GHRHR: variants seen among roughly 807,000 people sequenced by gnomAD.
GHRHR encodes growth hormone-releasing hormone receptor.
Under a neutral mutation model 58.3 loss-of-function variants are expected in GHRHR, and 40 were observed. The ratio of observed to expected loss-of-function variants is 0.69; its 90% CI spans 0.53 to 0.89. The LOEUF is 0.89. GHRHR is among the 40% of genes least tolerant of loss of function. GHRHR has a pLI of 0.00. For synonymous variants in GHRHR, 249 were observed against 216.6 expected, an observed-to-expected ratio of 1.15 and a Z score of -1.31; for missense variants, 551 against 541.3, an observed-to-expected ratio of 1.02 and a Z score of -0.18.
At position 30,979,271 on chromosome 7, in the gene GHRHR, A is replaced by G; in HGVS notation, c.*27A>G. The G allele has an allele frequency of 6.2e-7, 1 of 1,611,506 alleles. No homozygotes were observed. The highest frequency in any genetic ancestry group is 1.1e-5 in the South Asian group (1 of 90,886). On this transcript the variant is annotated 3_prime_UTR_variant, in exon 13 of 13. Transcript: ENST00000326139. ...CTGCCTCATCACGCCACTGGAGTCC[A>G]CACTTGAATTTGGGCAGCTACCACG... is the stretch of plus-strand genomic sequence containing the variant.
chr7:30,964,027 G>A lies in GHRHR; in HGVS notation c.-42G>A. 1 of 1,530,574 alleles carries A rather than the reference G, an allele frequency of 6.5e-7. No homozygotes were observed. Among genetic ancestry groups the A allele is most frequent in the Non-Finnish European group, 8.9e-7 (1 of 1,128,778 alleles). 94.8% of individuals were successfully genotyped at this position (1,530,574 alleles called of 1,614,324 possible). ...ACAGCAGGGGAAGGAAGATAGCCAAGGCTTACTGAGGCTGGTGGAGGGAGC... is the reference window on the plus strand; with the variant it reads ...ACAGCAGGGGAAGGAAGATAGCCAAAGCTTACTGAGGCTGGTGGAGGGAGC... On this transcript the variant is annotated 5_prime_UTR_variant, in exon 1 of 13. Coordinates refer to ENST00000326139, the MANE Select transcript of GHRHR (RefSeq NM_000823.4).
rs1792446924 is a variant in GHRHR, at chr7:30,969,916, A to G, written c.318A>G (p.Pro106=). The change falls in exon 4 of 13, where the codon CCA becomes CCG. Residue 106 remains proline (P), a synonymous_variant. Transcript: ENST00000326139. ...TCACTGGCTGGTCTGAGCCCTTTCC[A>G]CCTTACCCTGTGGCCTGCCCTGTGC... ...CTITGWSEPF[P]PYPVACPVPL... 4 of 1,591,270 alleles carry G rather than the reference A, an allele frequency of 2.5e-6. No homozygotes were observed. The South Asian group carries it at 4.4e-5, about 18-fold the overall frequency.
Position 30,979,197 on chromosome 7 carries a change from A to T in GHRHR, c.1225A>T (p.Thr409Ser). 6.2e-7 allele frequency: 1 copy of T among 1,614,018 alleles called. No individual in the cohort carries two copies. ...AGCCTGGAGGACCCGTGCTAAGTGG[A>T]CCACGCCTTCCCGCTCGGCGGCAAA... ...LPAWRTRAKWTTPSRSAAKVL... is the reference protein window; with the variant it reads ...LPAWRTRAKWSTPSRSAAKVL... The change falls in exon 13 of 13, where the codon ACC becomes TCC. Residue 409 changes from threonine to serine, a missense_variant. Physicochemically the swap from Thr to Ser is moderately conservative, Grantham distance 58. Coordinates refer to ENST00000326139, the MANE Select transcript of GHRHR (RefSeq NM_000823.4).
chr7:30,968,282 A>G (rs932655985), intron 1 of GHRHR, among the ~76,000 whole-genome samples: 2 of 152,122 alleles, frequency 1.3e-5, no homozygotes, highest in East Asian at 3.9e-4. Context: ...TATTATGCAG[A>G]ACTGCTTCCA....
chr7:30,977,377 G>T lies in GHRHR; in HGVS notation c.1146+55G>T, dbSNP rs532972028. The stretch of plus-strand genomic sequence containing the variant: ...GAGTCCCCCTCCCACCAGACCTAAG[G>T]CCCCTCCTCCTCTCTCCCACTCAGG... On this transcript the variant is annotated intron_variant, in intron 12 of 12. Coordinates refer to ENST00000326139, the MANE Select transcript of GHRHR (RefSeq NM_000823.4). The T allele has an allele frequency of 5.4e-6, 8 of 1,479,712 alleles. No homozygotes were observed. In the Admixed American group the frequency reaches 8.4e-5, roughly 15 times the overall value. The allele number at this position is 1,479,712 out of a possible 1,614,324, so 91.7% of individuals were successfully genotyped here.
chr7:30,975,034 G>T lies in GHRHR; in HGVS notation c.876G>T (p.Ser292=), dbSNP rs370074960. 1.2e-6 allele frequency: 2 copies of T among 1,609,734 alleles called. No individual in the cohort carries two copies. Among genetic ancestry groups the T allele is most frequent in the African/African-American group, 2.7e-5 (2 of 74,806 alleles). ...WWIIKGPIVL[S]VGVNFGLFLN... The stretch of plus-strand genomic sequence containing the variant: ...TCATCAAAGGGCCCATTGTCCTCTC[G>T]GTCGGGGTCAGTCCCTGGGCCAGTG... Residue 292 remains serine (S), a synonymous_variant, in exon 9 of 13, where the codon TCG becomes TCT. Coordinates refer to ENST00000326139, the MANE Select transcript of GHRHR (RefSeq NM_000823.4).
chr7:30,974,611 TG>T (rs1165159646), intron 8 of GHRHR, 122 bp downstream of exon 8: 6 of 770,584 alleles, frequency 7.8e-6, no homozygotes, highest in African/African-American at 1.7e-5. Flanking sequence ...CCGGCTAGGA[TG>T]GGGGGTGGGA....
chr7:30,970,909 C>T (rs1298106032), intron 4 of GHRHR: 6 of 633,696 alleles, frequency 9.5e-6, no homozygotes, highest in Non-Finnish European at 1.7e-5. Context: ...GCCACTACCC[C>T]TCCCTCACCC....
rs1584411458 is a variant in GHRHR, at chr7:30,968,855, G to C, written c.79G>C (p.Glu27Gln). ...LPTVLGHMHPECDFITQLRED... is the reference protein window; with the variant it reads ...LPTVLGHMHPQCDFITQLRED... ...GCAGGTATTGGGCCACATGCACCCAGAATGTGACTTCATCACCCAGCTGAG... is the reference window on the plus strand; with the variant it reads ...GCAGGTATTGGGCCACATGCACCCACAATGTGACTTCATCACCCAGCTGAG... The change falls in exon 2 of 13, where the codon GAA becomes CAA. Residue 27 changes from glutamate (E) to glutamine (Q), a missense_variant. By Grantham distance (29) the Glu-to-Gln change is conservative (BLOSUM62 2). Transcript: ENST00000326139. 1 of 1,613,816 alleles carries C rather than the reference G, an allele frequency of 6.2e-7. No homozygotes were observed. Among genetic ancestry groups the C allele is most frequent in the Non-Finnish European group, 8.5e-7 (1 of 1,179,804 alleles).
At chr7:30,967,699 T>C (rs1792386736) in intron 1 of GHRHR, among the ~76,000 whole-genome samples, 1 of 152,130 alleles carries the variant, frequency 6.6e-6, no homozygotes, top group African/African-American at 2.4e-5. Context: ...CCTTCCTGCC[T>C]TCCTGCCTTC....
At position 30,975,765 on chromosome 7, in the gene GHRHR, C is replaced by T. The variant is rs1292030708; in HGVS notation, c.883-12C>T. 8.3e-6 allele frequency: 13 copies of T among 1,557,612 alleles called. No homozygotes were observed. Among genetic ancestry groups the T allele is most frequent in the Non-Finnish European group, 9.7e-6 (11 of 1,128,578 alleles). On this transcript the variant is annotated splice_polypyrimidine_tract_variant and intron_variant, in intron 9 of 12. Coordinates refer to ENST00000326139, the MANE Select transcript of GHRHR (RefSeq NM_000823.4). Reference sequence around the variant, plus strand: ...ACCCTTGTCTTCCACCTTCCTATGCCTCTATTTCCAGGTGAACTTTGGGCT... The same window carrying T: ...ACCCTTGTCTTCCACCTTCCTATGCTTCTATTTCCAGGTGAACTTTGGGCT...
chr7:30,978,329 G>A (rs1349394227), intron 12 of GHRHR, among the ~76,000 whole-genome samples: 1 of 152,162 alleles, frequency 6.6e-6, no homozygotes, highest in Non-Finnish European at 1.5e-5. Context: ...CTGGTGGGGT[G>A]TGGAAAAAGT....
Position 30,976,409 on chromosome 7 carries a change from A to G in GHRHR, c.975-20A>G. On this transcript the variant is annotated intron_variant, in intron 10 of 12. Transcript: ENST00000326139. ...TTTCTAATCCCAGTCTTGGGAGCCT[A>G]GGATTTGTCTTTCCTGCAGGCGTCT... 6.2e-7 allele frequency: 1 copy of G among 1,609,794 alleles called. No homozygotes were observed. The highest frequency in any genetic ancestry group is 2.2e-5 in the East Asian group (1 of 44,838).
intron 6 of GHRHR, among the ~76,000 whole-genome samples, chr7:30,972,960 C>T (rs1021016706): frequency 2.0e-5 from 3 of 152,124 alleles, no homozygotes; most frequent in African/African-American, 2.4e-5. Context: ...GTGGTGTTGA[C>T]CCCCCTTTCA....
At chr7:30,974,783 G>C (rs1429848070) in intron 8 of GHRHR, among the ~76,000 whole-genome samples, 188 bp from the exon 9 acceptor site, 1 of 152,194 alleles carries the variant, frequency 6.6e-6, no homozygotes, top group Admixed American at 6.5e-5. Flanking sequence ...CATCTAGGTG[G>C]ATAGAAAGGG....
chr7:30,974,408 G>C, intron 7 of GHRHR, 21 bp from the exon 8 acceptor site: 1 of 1,583,032 alleles, frequency 6.3e-7, no homozygotes, highest in African/African-American at 1.3e-5. Context: ...CCTCGCTTGT[G>C]TCTTCCCTGT....
intron 6 of GHRHR, among the ~76,000 whole-genome samples, chr7:30,973,638 G>A (rs1290093592): frequency 6.6e-6 from 1 of 152,216 alleles, no homozygotes; most frequent in Non-Finnish European, 1.5e-5. Context: ...AAGGATGGGG[G>A]TAAGTGAAAA....
chr7:30,976,268 A>C (rs1417689054), intron 10 of GHRHR, among the ~76,000 whole-genome samples, 161 bp from the exon 11 acceptor site: 1 of 152,226 alleles, frequency 6.6e-6, no homozygotes, highest in African/African-American at 2.4e-5. Context: ...TCCAGCGCCC[A>C]GAAATAAAAA....
At chr7:30,969,813 C>T (rs750617700) in intron 3 of GHRHR, 54 bp from the exon 4 acceptor site, 9 of 1,592,548 alleles carry the variant, frequency 5.7e-6, no homozygotes, top group Non-Finnish European at 7.8e-6. Context: ...ACCCCCAGCC[C>T]CCTCCTGGGG....
Sources: allele counts gnomAD v4.1 joint callset (sites outside exome capture counted in the v4.1 genomes callset), GRCh38; gene constraint gnomAD v4.1.1; transcripts MANE v1.5; gene names NCBI Gene and HGNC (gene_info 2026-07-23, HGNC 2026-07-21).